The following TCF4 variants were observed in gnomAD, a reference collection of about 807,000 sequenced individuals.
The protein encoded by TCF4 is SL3-3 enhancer factor 2.
A neutral mutation model predicts 82.1 loss-of-function variants in TCF4; 3 were observed. The ratio of observed to expected loss-of-function variants is 0.04; its 90% CI spans 0.02 to 0.09. The LOEUF (loss-of-function observed/expected upper bound fraction) is 0.09. Ranked by LOEUF, TCF4 falls within the 10% of genes least tolerant of loss-of-function variation. The pLI is 1.00. For synonymous variants in TCF4, 276 were observed against 309.6 expected (o/e 0.89, Z 1.14); for missense variants, 518 against 852.7 (o/e 0.61, Z 4.89).
intron 11 of TCF4, chr18:55,265,646 A>G (rs1257382607): frequency 2.0e-5 from 3 of 152,182 alleles, no homozygotes; most frequent in Non-Finnish European, 4.4e-5. Flanking sequence ...TTCAAGGCTC[A>G]ATATTCTTGT....
intron 8 of TCF4, among the ~76,000 whole-genome samples, chr18:55,314,432 AT>A (rs1167252615): frequency 1.3e-5 from 2 of 152,094 alleles, no homozygotes; most frequent in Non-Finnish European, 2.9e-5. Context: ...ATCCTTTTTA[AT>A]TTTTTAAGTA....
chr18:55,413,139 G>A (rs2094413089), intron 5 of TCF4, among the ~76,000 whole-genome samples: 1 of 152,104 alleles, frequency 6.6e-6, no homozygotes, highest in Non-Finnish European at 1.5e-5. Flanking sequence ...GGGGGGACAT[G>A]ACAATGTTAT....
chr18:55,436,725 C>T (rs191318988), intron 5 of TCF4, among the ~76,000 whole-genome samples: 19 of 152,300 alleles, frequency 1.2e-4, no homozygotes, highest in Non-Finnish European at 2.1e-4. Flanking sequence ...CAAAACATTA[C>T]CTGTATGTGA....
chr18:55,395,968 G>A (rs548312947), intron 6 of TCF4, among the ~76,000 whole-genome samples: 5 of 152,028 alleles, frequency 3.3e-5, no homozygotes, highest in South Asian at 2.1e-4. Flanking sequence ...GGAACGATGC[G>A]ATCTGCCCTC....
At chr18:55,319,695 C>A (rs978342413) in intron 8 of TCF4, among the ~76,000 whole-genome samples, 1 of 151,288 alleles carries the variant, frequency 6.6e-6, no homozygotes, top group Non-Finnish European at 1.5e-5. Context: ...AAAAAAAAAT[C>A]TAACAACCAA....
At chr18:55,363,086 A>G (rs529147403) in intron 6 of TCF4, among the ~76,000 whole-genome samples, 2 of 152,236 alleles carry the variant, frequency 1.3e-5, no homozygotes, top group African/African-American at 4.8e-5. Flanking sequence ...TAGGGTAGAG[A>G]AGACACAAAT....
At chr18:55,409,985 A>T (rs1446722361) in intron 5 of TCF4, among the ~76,000 whole-genome samples, 1 of 152,232 alleles carries the variant, frequency 6.6e-6, no homozygotes, top group Non-Finnish European at 1.5e-5. Context: ...CTTCATCCAC[A>T]GTCATTTAAA....
At chr18:55,480,791 A>G (rs983044168) in intron 3 of TCF4, among the ~76,000 whole-genome samples, 13 of 152,220 alleles carry the variant, frequency 8.5e-5, no homozygotes, top group Non-Finnish European at 1.8e-4. Context: ...TTTGTACAAA[A>G]TCTGGCATAG....
At chr18:55,391,409 T>A (rs1410651780) in intron 6 of TCF4, among the ~76,000 whole-genome samples, 1 of 152,156 alleles carries the variant, frequency 6.6e-6, no homozygotes, top group South Asian at 2.1e-4. Flanking sequence ...CTGAAACCCT[T>A]CTAAGACTTT....
At chr18:55,563,874 T>G (rs749143408) in intron 3 of TCF4, among the ~76,000 whole-genome samples, 11 of 152,196 alleles carry the variant, frequency 7.2e-5, no homozygotes, top group Non-Finnish European at 1.3e-4. Context: ...ACCTTGAAAA[T>G]TCATTAAATG....
At chr18:55,336,364 AG>A (rs2078643305) in intron 8 of TCF4, among the ~76,000 whole-genome samples, 1 of 152,062 alleles carries the variant, frequency 6.6e-6, no homozygotes, top group African/African-American at 2.4e-5. Flanking sequence ...CATTGGTAAA[AG>A]AAAGGCAAAA....
At chr18:55,426,120 C>T (rs8084308) in intron 5 of TCF4, among the ~76,000 whole-genome samples, 75,117 of 113,746 alleles carry the variant, frequency 0.66, 20,929 homozygotes, top group Non-Finnish European at 0.72. Flanking sequence ...TATATATATA[C>T]ACACACACAC....
At chr18:55,401,338 ATAG>A in intron 6 of TCF4, 1 of 1,153,550 alleles carries the variant, frequency 8.7e-7, no homozygotes, top group Non-Finnish European at 1.1e-6. Flanking sequence ...AAGCACAGAG[ATAG>A]TAGACTCTTG....
At chr18:55,296,296 A>ATT (rs535941426) in intron 8 of TCF4, among the ~76,000 whole-genome samples, 15 of 152,284 alleles carry the variant, frequency 9.9e-5, no homozygotes, top group Non-Finnish European at 1.9e-4. Context: ...AGCTCTGGCT[A>ATT]TTTTTGTTCC....
intron 6 of TCF4, among the ~76,000 whole-genome samples, chr18:55,395,898 A>T (rs913471801): frequency 2.0e-5 from 3 of 152,144 alleles, no homozygotes. Context: ...AATTCTGAGG[A>T]TGTTACTGAA....
intron 3 of TCF4, among the ~76,000 whole-genome samples, chr18:55,492,674 C>T (rs2096588625): frequency 1.3e-5 from 2 of 152,192 alleles, no homozygotes; most frequent in South Asian, 4.1e-4. Flanking sequence ...TTCTTATCTT[C>T]ATACCAAGGA....
chr18:55,399,880 TCACACACACACACACACACACA>T (rs398041380), intron 6 of TCF4, among the ~76,000 whole-genome samples: 5 of 63,436 alleles, frequency 7.9e-5, no homozygotes, highest in Non-Finnish European at 1.5e-4. Flanking sequence ...TCTCTCTCTC[TCACACACACACACACACACACA>T]CACACACACA....
chr18:55,399,254 T>C (rs1018064520), intron 6 of TCF4, among the ~76,000 whole-genome samples: 4 of 152,184 alleles, frequency 2.6e-5, no homozygotes, highest in Non-Finnish European at 4.4e-5. Context: ...ATCAACTACA[T>C]GCTTAATTTC....
In TCF4 at chr18:55,225,338, T is replaced by C. The variant is rs879945073; in HGVS notation, c.*2697A>G. On this transcript the variant is annotated 3_prime_UTR_variant, in exon 20 of 20. Coordinates refer to ENST00000354452, the MANE Select transcript of TCF4 (RefSeq NM_001083962.2). ...TTAAAAAATAATCAAATGACTACAA[T>C]TTACTTTTTTGCTTTGTTTACAGAT... is the stretch of plus-strand genomic sequence containing the variant. 2.6e-5 allele frequency: 4 copies of C among 152,512 alleles called. No individual in the cohort carries two copies. The highest frequency in any genetic ancestry group is 2.9e-5 in the Non-Finnish European group (2 of 67,976). 9.4% of individuals were successfully genotyped at this position (152,512 alleles called of 1,614,324 possible). A position where few individuals can be genotyped will look rare whatever the true frequency, so the allele number is the denominator to read the frequency against.
Sources: allele counts gnomAD v4.1 joint callset (sites outside exome capture counted in the v4.1 genomes callset), GRCh38; gene constraint gnomAD v4.1.1; transcripts MANE v1.5; gene names NCBI Gene and HGNC (gene_info 2026-07-23, HGNC 2026-07-21).